IFFO2: variants seen among roughly 807,000 people sequenced by gnomAD.
IFFO2 encodes intermediate filament family orphan 2.
In IFFO2, 19 loss-of-function variants were observed where a neutral mutation model predicts 53.5. The ratio of observed to expected loss-of-function variants is 0.36; its 90% CI spans 0.25 to 0.52. IFFO2 has a LOEUF of 0.52. Among genes scored for constraint, IFFO2 ranks in the 20% least tolerant of loss-of-function variants. The pLI is 0.94. For synonymous variants in IFFO2, 303 were observed against 313.6 expected, an observed-to-expected ratio of 0.97 and a Z score of 0.36; for missense variants, 570 against 727.4, an observed-to-expected ratio of 0.78 and a Z score of 2.49.
In IFFO2 at chr1:18,928,690, G is replaced by C. The variant is rs1936334661; in HGVS notation, c.666-7569C>G. ...GGAAGAGCGGGTACTGGGCTAGGAAGCAGGAGGTCCTGGTTCATGCCCTGG... is the reference window on the plus strand; with the variant it reads ...GGAAGAGCGGGTACTGGGCTAGGAACCAGGAGGTCCTGGTTCATGCCCTGG... On this transcript the variant is annotated intron_variant, in intron 1 of 8. Coordinates refer to ENST00000455833, the MANE Select transcript of IFFO2 (RefSeq NM_001136265.2). The surrounding 1 kb of genome is among the most constrained non-coding windows in gnomAD (Gnocchi z 4.9). Among the ~76,000 whole-genome samples, 2 of 152,344 alleles carry C rather than the reference G, an allele frequency of 1.3e-5. No individual in the cohort carries two copies. Among genetic ancestry groups the C allele is most frequent in the South Asian group, 2.1e-4 (1 of 4,828 alleles).
intron 5 of IFFO2, among the ~76,000 whole-genome samples, chr1:18,915,099 C>A (rs1401707801): frequency 1.3e-5 from 2 of 152,170 alleles, no homozygotes; most frequent in Non-Finnish European, 2.9e-5. Context: ...AGAGAGAATT[C>A]TCTTCCAGGC....
chr1:18,913,497 C>T (rs1168806361), intron 5 of IFFO2, among the ~76,000 whole-genome samples: 2 of 152,250 alleles, frequency 1.3e-5, no homozygotes, highest in African/African-American at 2.4e-5. Flanking sequence ...CTCCACTTCA[C>T]AAATCTGCGG....
intron 8 of IFFO2, among the ~76,000 whole-genome samples, 185 bp downstream of exon 8, chr1:18,910,157 G>T (rs1369936712): frequency 2.0e-5 from 3 of 152,214 alleles, no homozygotes; most frequent in Non-Finnish European, 4.4e-5. Context: ...GATATGTAAG[G>T]CATCTGGCAC....
rs915696979 is a variant in IFFO2 at position 18,918,161 on chromosome 1, A to C, written c.963+201T>G. Among the ~76,000 whole-genome samples the C allele has an allele frequency of 6.6e-6, 1 of 152,206 alleles. No individual in the cohort carries two copies. The highest frequency in any genetic ancestry group is 1.5e-5 in the Non-Finnish European group (1 of 68,022). ...GGTCTCCCCAGCCATAGGATGAAGCAGTCAGACGAGCCTATGAGTCCACGG... is the reference window on the plus strand; with the variant it reads ...GGTCTCCCCAGCCATAGGATGAAGCCGTCAGACGAGCCTATGAGTCCACGG... On this transcript the variant is annotated intron_variant, in intron 4 of 8. Coordinates refer to ENST00000455833, the MANE Select transcript of IFFO2 (RefSeq NM_001136265.2). This position sits in a 1 kb window ranked among gnomAD's most constrained non-coding sequence, Gnocchi z 5.2.
intron 1 of IFFO2, among the ~76,000 whole-genome samples, chr1:18,943,988 C>T (rs1936554530): frequency 1.3e-5 from 2 of 152,184 alleles, no homozygotes; most frequent in Admixed American, 6.5e-5. Flanking sequence ...CCTGAAAGTG[C>T]CAGCAGCCCC....
chr1:18,926,009 A>ATGGATGGATGGATGGATGGATGGATGGT (rs1936287429), intron 1 of IFFO2, among the ~76,000 whole-genome samples: 1 of 19,422 alleles, frequency 5.1e-5, no homozygotes, highest in African/African-American at 2.0e-4. Context: ...GATTGGTTGG[A>ATGGATGGATGGATGGATGGATGGATGGT]TGGATGGATG....
In IFFO2 at chr1:18,923,714, G is replaced by A. The variant is rs35563997; in HGVS notation, c.666-2593C>T. ...AAGCTAGTCCAGTCTCTAAAGCAGC[G>A]TGTCTCAGCCTAGAATGTGCATACC... On this transcript the variant is annotated intron_variant, in intron 1 of 8. Transcript: ENST00000455833. 4.6e-3 allele frequency among the ~76,000 whole-genome samples: 699 copies of A among 152,296 alleles called. 2 individuals are homozygous for A. The highest frequency in any genetic ancestry group is 7.8e-3 in the Non-Finnish European group (531 of 68,014).
Position 18,919,608 on chromosome 1 carries a change from G to C in IFFO2, c.822+70C>G. On this transcript the variant is annotated intron_variant, in intron 3 of 8. Coordinates refer to ENST00000455833, the MANE Select transcript of IFFO2 (RefSeq NM_001136265.2). The surrounding 1 kb of genome is among the most constrained non-coding windows in gnomAD (Gnocchi z 4.9). Reference sequence around the variant, plus strand: ...AGAAGCCGAGCCCCGGAGCCTCGGAGGGAATGAAGCATTTTGCATGATGGG... The same window carrying C: ...AGAAGCCGAGCCCCGGAGCCTCGGACGGAATGAAGCATTTTGCATGATGGG... The C allele has an allele frequency of 9.6e-7, 1 of 1,036,832 alleles. No individual in the cohort carries two copies. Among genetic ancestry groups the C allele is most frequent in the South Asian group, 1.4e-5 (1 of 73,638 alleles). 64.2% of individuals were successfully genotyped at this position (1,036,832 alleles called of 1,614,324 possible). A position where few individuals can be genotyped will look rare whatever the true frequency, so the allele number is the denominator to read the frequency against.
At chr1:18,910,963 C>A (rs969198011) in intron 7 of IFFO2, among the ~76,000 whole-genome samples, 5 of 152,260 alleles carry the variant, frequency 3.3e-5, no homozygotes, top group Admixed American at 6.5e-5. Flanking sequence ...AATGCTGCTT[C>A]CTGGCCGCAA....
Position 18,917,646 on chromosome 1 carries a change from G to C in IFFO2, c.964-604C>G, listed in dbSNP as rs920904929. On this transcript the variant is annotated intron_variant, in intron 4 of 8. Transcript: ENST00000455833. The surrounding 1 kb of genome is among the most constrained non-coding windows in gnomAD (Gnocchi z 5.9). ...CAGCGACGTCAAAGTCACACACACA[G>C]AGCGACAACACACCGTATTGCCCTG... Among the ~76,000 whole-genome samples, 3 of 152,204 alleles carry C rather than the reference G, an allele frequency of 2.0e-5. No individual in the cohort carries two copies. Among genetic ancestry groups the C allele is most frequent in the Non-Finnish European group, 4.4e-5 (3 of 68,036 alleles).
rs1297701886 is a variant in IFFO2 at position 18,936,443 on chromosome 1, G to A, written c.666-15322C>T. On this transcript the variant is annotated intron_variant, in intron 1 of 8. Coordinates refer to ENST00000455833, the MANE Select transcript of IFFO2 (RefSeq NM_001136265.2). This position sits in a 1 kb window ranked among gnomAD's most constrained non-coding sequence, Gnocchi z 4.5. ...TCTGCTGGCTCTTGCTTAAGTGGAAGCCAGCAGGGGGTCTGGGCAGCAGGT... is the reference window on the plus strand; with the variant it reads ...TCTGCTGGCTCTTGCTTAAGTGGAAACCAGCAGGGGGTCTGGGCAGCAGGT... Among the ~76,000 whole-genome samples, 1 of 152,204 alleles carries A rather than the reference G, an allele frequency of 6.6e-6. No individual in the cohort carries two copies. The highest frequency in any genetic ancestry group is 1.5e-5 in the Non-Finnish European group (1 of 68,034).
intron 1 of IFFO2, among the ~76,000 whole-genome samples, chr1:18,934,031 C>T (rs1246478559): frequency 7.4e-6 from 1 of 134,794 alleles, no homozygotes; most frequent in Non-Finnish European, 1.6e-5. Flanking sequence ...ATCTGTCCTT[C>T]TGTGAATAGC....
At chr1:18,921,196 A>G in intron 1 of IFFO2, 75 bp from the exon 2 acceptor site, 5 of 1,249,084 alleles carry the variant, frequency 4.0e-6, no homozygotes, top group Middle Eastern at 1.8e-4. Context: ...CACAACCCCA[A>G]CACCCACCCA....
At chr1:18,934,273 A>T (rs529311194) in intron 1 of IFFO2, among the ~76,000 whole-genome samples, 105 of 151,948 alleles carry the variant, frequency 6.9e-4, no homozygotes, top group African/African-American at 2.5e-3. Flanking sequence ...GGGTTTCACC[A>T]TGCTGTCCAG....
intron 1 of IFFO2, among the ~76,000 whole-genome samples, chr1:18,945,881 G>A (rs939455746): frequency 6.6e-6 from 1 of 152,210 alleles, no homozygotes; most frequent in African/African-American, 2.4e-5. Flanking sequence ...GATAAGAAAC[G>A]GAGGCTCAGA....
intron 2 of IFFO2, among the ~76,000 whole-genome samples, chr1:18,920,657 C>T (rs1310122038): frequency 3.3e-5 from 5 of 152,190 alleles, no homozygotes; most frequent in African/African-American, 1.2e-4. Flanking sequence ...GACGTGCCCA[C>T]CTGCCCTCTC....
intron 1 of IFFO2, among the ~76,000 whole-genome samples, chr1:18,935,503 C>T (rs1936436383): frequency 1.3e-5 from 2 of 152,022 alleles, no homozygotes; most frequent in Admixed American, 1.3e-4. Flanking sequence ...TGTCCTTTTC[C>T]TCTCTCTCTC....
chr1:18,929,094 C>G (rs1331708198), intron 1 of IFFO2, among the ~76,000 whole-genome samples: 1 of 152,180 alleles, frequency 6.6e-6, no homozygotes, highest in Non-Finnish European at 1.5e-5. Context: ...CTTAGAGAGT[C>G]AAAGGTTGTA....
In IFFO2 at chr1:18,919,635, G is replaced by A. The variant is rs1479220715; in HGVS notation, c.822+43C>T. 1 of 1,297,652 alleles carries A rather than the reference G, an allele frequency of 7.7e-7. No homozygotes were observed. Among genetic ancestry groups the A allele is most frequent in the Middle Eastern group, 1.8e-4 (1 of 5,492 alleles). 80.4% of individuals were successfully genotyped at this position (1,297,652 alleles called of 1,614,324 possible). On this transcript the variant is annotated intron_variant, in intron 3 of 8. Transcript: ENST00000455833. This position sits in a 1 kb window ranked among gnomAD's most constrained non-coding sequence, Gnocchi z 4.9. ...GAATGAAGCATTTTGCATGATGGGT[G>A]TGGGGGAGGTCATGACACCCAGGGG...
Sources: allele counts gnomAD v4.1 joint callset (sites outside exome capture counted in the v4.1 genomes callset), GRCh38; gene constraint gnomAD v4.1.1; non-coding constraint Gnocchi (gnomAD v3.1); transcripts MANE v1.5; gene names NCBI Gene and HGNC (gene_info 2026-07-23, HGNC 2026-07-21).